GMDS: variants seen among roughly 807,000 people sequenced by gnomAD.
GMDS encodes the protein GDP-mannose 4,6 dehydratase.
In GMDS, 20 loss-of-function variants were observed where a neutral mutation model predicts 49.9. The observed-to-expected ratio is 0.40, with a 90% CI of 0.28 to 0.58. The LOEUF (loss-of-function observed/expected upper bound fraction) is 0.58. GMDS is among the 20% of genes least tolerant of loss of function. The pLI, the probability that GMDS is intolerant of heterozygous loss-of-function variation, is 0.42. For missense variants in GMDS, 362 were observed against 481.4 expected (o/e 0.75, Z 2.32); for synonymous variants, 177 against 178.6 (o/e 0.99, Z 0.07).
intron 6 of GMDS, among the ~76,000 whole-genome samples, chr6:1,942,917 TTC>T (rs1157830543): frequency 2.0e-5 from 3 of 152,358 alleles, no homozygotes; most frequent in African/African-American, 7.2e-5. Flanking sequence ...CCTTATCATT[TTC>T]TTTACTGGAT....
At chr6:1,790,587 A>G (rs1170302747) in intron 7 of GMDS, among the ~76,000 whole-genome samples, 1 of 152,206 alleles carries the variant, frequency 6.6e-6, no homozygotes, top group Non-Finnish European at 1.5e-5. Flanking sequence ...CAAATTTTCC[A>G]ACATATCGAG....
intron 7 of GMDS, among the ~76,000 whole-genome samples, chr6:1,863,918 T>A (rs983877424): frequency 2.6e-5 from 4 of 152,146 alleles, no homozygotes; most frequent in Admixed American, 6.5e-5. Flanking sequence ...TTTTCTAATG[T>A]GTCATTTAAA....
chr6:2,169,433 C>A (rs541478004), intron 1 of GMDS, among the ~76,000 whole-genome samples: 14 of 151,900 alleles, frequency 9.2e-5, no homozygotes, highest in African/African-American at 2.9e-4. Context: ...ATGGTAAGAC[C>A]CTCGTCTCTA....
intron 7 of GMDS, among the ~76,000 whole-genome samples, chr6:1,789,545 T>C (rs1429682527): frequency 6.7e-6 from 1 of 148,900 alleles, no homozygotes; most frequent in Non-Finnish European, 1.5e-5. Flanking sequence ...TTTTTTTTTT[T>C]TTTTTTTCCT....
At chr6:1,753,766 C>G (rs1341691063) in intron 7 of GMDS, among the ~76,000 whole-genome samples, 2 of 152,186 alleles carry the variant, frequency 1.3e-5, no homozygotes, top group Non-Finnish European at 2.9e-5. Context: ...AACTGAACAA[C>G]CTGCTCCTGA....
intron 7 of GMDS, among the ~76,000 whole-genome samples, chr6:1,915,542 G>A (rs1382754833): frequency 6.6e-6 from 1 of 152,220 alleles, no homozygotes; most frequent in African/African-American, 2.4e-5. Flanking sequence ...TCCAGACAGC[G>A]GCCTTTATTC....
chr6:1,882,912 C>T (rs77359712), intron 7 of GMDS, among the ~76,000 whole-genome samples: 3 of 152,264 alleles, frequency 2.0e-5, no homozygotes, highest in East Asian at 3.9e-4. Flanking sequence ...ATCTCTATCA[C>T]GAGTGATTGT....
intron 6 of GMDS, among the ~76,000 whole-genome samples, chr6:1,957,559 C>A (rs1014612086): frequency 1.3e-5 from 2 of 151,990 alleles, no homozygotes; most frequent in African/African-American, 4.8e-5. Flanking sequence ...TATAATAAAA[C>A]AAAACAAAAT....
chr6:1,715,513 G>A (rs965146225), intron 9 of GMDS, among the ~76,000 whole-genome samples: 3 of 152,218 alleles, frequency 2.0e-5, no homozygotes, highest in African/African-American at 4.8e-5. Context: ...AATGCAATGG[G>A]ATAAGCGGTA....
chr6:1,678,003 G>A (rs1194377779), intron 9 of GMDS, among the ~76,000 whole-genome samples: 2 of 151,936 alleles, frequency 1.3e-5, no homozygotes, highest in African/African-American at 4.8e-5. Context: ...TTCTCATATC[G>A]ATGGGATTAA....
intron 7 of GMDS, among the ~76,000 whole-genome samples, chr6:1,878,042 G>T (rs577396747): frequency 6.6e-6 from 1 of 152,042 alleles, no homozygotes; most frequent in Non-Finnish European, 1.5e-5. Flanking sequence ...TGCTGGGCGC[G>T]GTGGCTCACG....
chr6:1,670,299 C>A (rs1169594188), intron 9 of GMDS, among the ~76,000 whole-genome samples: 10 of 151,664 alleles, frequency 6.6e-5, no homozygotes, highest in Non-Finnish European at 1.5e-5. Context: ...ATACGACTTT[C>A]AGAAGTAATA....
chr6:1,912,297 C>G (rs148334847), intron 7 of GMDS, among the ~76,000 whole-genome samples: 1 of 152,114 alleles, frequency 6.6e-6, no homozygotes, highest in Admixed American at 6.5e-5. Context: ...TCCCAGGAGG[C>G]AGAGGTTGCA....
intron 1 of GMDS, among the ~76,000 whole-genome samples, chr6:2,216,786 A>C (rs1466870522): frequency 1.3e-5 from 2 of 152,026 alleles, no homozygotes; most frequent in Non-Finnish European, 2.9e-5. Flanking sequence ...TCCCTTTTAC[A>C]CTGCATTTAC....
At chr6:2,045,954 T>A (rs1769983601) in intron 4 of GMDS, among the ~76,000 whole-genome samples, 1 of 152,208 alleles carries the variant, frequency 6.6e-6, no homozygotes, top group South Asian at 2.1e-4. Flanking sequence ...CTTACACCTG[T>A]AATCCCAGAA....
rs529029918 is a variant in GMDS, at chr6:2,120,407, TTCTCACAGATTAAGAAAGAAAGTA to T, written c.148-2875_148-2852del. On this transcript the variant is annotated intron_variant, in intron 2 of 10. Transcript: ENST00000380815. Reference sequence around the variant, plus strand: ...ACCCAGAAGAAAACCAGTTCAAGGATTCTCACAGATTAAGAAAGAAAGTATCTCCATGTTCTAACAAAAAATCTC... The same window carrying T: ...ACCCAGAAGAAAACCAGTTCAAGGATTCTCCATGTTCTAACAAAAAATCTC... Among the ~76,000 whole-genome samples, 389 of 152,178 alleles carry T rather than the reference TTCTCACAGATTAAGAAAGAAAGTA, an allele frequency of 2.6e-3. 1 individual carries two copies. The highest frequency in any genetic ancestry group is 9.0e-3 in the African/African-American group (375 of 41,524).
chr6:2,243,762 C>A (rs1217592578), intron 1 of GMDS, among the ~76,000 whole-genome samples: 2 of 149,770 alleles, frequency 1.3e-5, no homozygotes, highest in African/African-American at 4.9e-5. Flanking sequence ...GCATGAATAA[C>A]CAGCAGTAAA....
At chr6:1,810,059 T>C (rs9501774) in intron 7 of GMDS, among the ~76,000 whole-genome samples, 4,083 of 152,186 alleles carry the variant, frequency 0.027, 165 homozygotes, top group East Asian at 0.12. Context: ...GAGCAGTTGC[T>C]ATGTGGTAGC....
intron 9 of GMDS, among the ~76,000 whole-genome samples, chr6:1,699,253 GGTT>G (rs1765456607): frequency 6.6e-6 from 1 of 152,080 alleles, no homozygotes; most frequent in East Asian, 1.9e-4. Context: ...TATGTTTTGA[GGTT>G]GCAAAGAAAA....
Sources: allele counts gnomAD v4.1 joint callset (sites outside exome capture counted in the v4.1 genomes callset), GRCh38; gene constraint gnomAD v4.1.1; transcripts MANE v1.5; gene names NCBI Gene and HGNC (gene_info 2026-07-23, HGNC 2026-07-21).